RUBCN: variants seen among roughly 807,000 people sequenced by gnomAD.
RUBCN encodes rubicon autophagy regulator, also known as run domain Beclin-1-interacting and cysteine-rich domain-containing protein.
In RUBCN, 74 loss-of-function variants were observed where a neutral mutation model predicts 113.2. That is an observed-to-expected ratio of 0.65 (90% CI 0.54 to 0.79). The LOEUF is 0.79. Ranked by LOEUF, RUBCN falls within the 30% of genes least tolerant of loss-of-function variation. RUBCN has a pLI of 0.00. For synonymous variants in RUBCN, 480 were observed against 490.0 expected, an observed-to-expected ratio of 0.98 and a Z score of 0.27; for missense variants, 1,109 against 1,251.7, an observed-to-expected ratio of 0.89 and a Z score of 1.72.
chr3:197,735,128 C>T (rs1395101823), intron 1 of RUBCN, among the ~76,000 whole-genome samples: 2 of 149,496 alleles, frequency 1.3e-5, no homozygotes, highest in African/African-American at 5.0e-5. Context: ...TGGTGGCTCA[C>T]ACCTGTTAAT....
At chr3:197,703,126 C>A (rs764546270) in intron 5 of RUBCN, among the ~76,000 whole-genome samples, 5 of 151,964 alleles carry the variant, frequency 3.3e-5, no homozygotes, top group African/African-American at 1.2e-4. Context: ...TGGCCGGGCG[C>A]GGTGGCTCAG....
At chr3:197,696,519 A>G (rs1005594848) in intron 8 of RUBCN, among the ~76,000 whole-genome samples, 1 of 152,204 alleles carries the variant, frequency 6.6e-6, no homozygotes, top group Non-Finnish European at 1.5e-5. Context: ...CTCGTACCAT[A>G]CAGTAAAGAA....
Position 197,671,183 on chromosome 3 carries a change from T to G in RUBCN, c.*3835A>C, listed in dbSNP as rs1219519569. Among the ~76,000 whole-genome samples the G allele has an allele frequency of 6.6e-6, 1 of 152,064 alleles. No homozygotes were observed. The highest frequency in any genetic ancestry group is 1.5e-5 in the Non-Finnish European group (1 of 68,014). On this transcript the variant is annotated 3_prime_UTR_variant, in exon 20 of 20. Transcript: ENST00000296343. ...GCACATGCCACCATGCCTGGCTAAT[T>G]TTTATATTTTTGTAGAGATGAGGTT...
At chr3:197,719,878 A>C (rs1725956006) in intron 1 of RUBCN, among the ~76,000 whole-genome samples, 1 of 152,242 alleles carries the variant, frequency 6.6e-6, no homozygotes, top group African/African-American at 2.4e-5. Flanking sequence ...ATTGATCGCA[A>C]CAAAGTAATT....
At position 197,669,706 on chromosome 3, in the gene RUBCN, G is replaced by A. The variant is rs1021069487; in HGVS notation, c.*5312C>T. Among the ~76,000 whole-genome samples the A allele has an allele frequency of 1.3e-5, 2 of 152,136 alleles. No homozygotes were observed. The highest frequency in any genetic ancestry group is 2.9e-5 in the Non-Finnish European group (2 of 68,036). ...TCCAGTCCACCCTCAATGGGAGAAG[G>A]AATTAAACTCCACCTCCTGGGAGAA... On this transcript the variant is annotated 3_prime_UTR_variant, in exon 20 of 20. Transcript: ENST00000296343.
intron 2 of RUBCN, among the ~76,000 whole-genome samples, chr3:197,711,607 G>C (rs1332768730): frequency 7.2e-5 from 11 of 152,206 alleles, no homozygotes; most frequent in African/African-American, 2.4e-4. Flanking sequence ...GCCAAGCTGG[G>C]AGGCTGCCTG....
chr3:197,681,073 G>T lies in RUBCN; in HGVS notation c.2430+56C>A. 9.4e-7 allele frequency: 1 copy of T among 1,066,760 alleles called. No homozygotes were observed. The highest frequency in any genetic ancestry group is 1.7e-5 in the Admixed American group (1 of 57,802). 66.1% of individuals were successfully genotyped at this position (1,066,760 alleles called of 1,614,324 possible). On this transcript the variant is annotated intron_variant, in intron 16 of 19. Coordinates refer to ENST00000296343, the MANE Select transcript of RUBCN (RefSeq NM_014687.4). This position sits in a 1 kb window ranked among gnomAD's most constrained non-coding sequence, Gnocchi z 5.5. ...AGGGGACGGGGGAGGGACGAGGGGAGGGGATGAGGGGAGGAGAAGGGCAAG... is the reference window on the plus strand; with the variant it reads ...AGGGGACGGGGGAGGGACGAGGGGATGGGATGAGGGGAGGAGAAGGGCAAG...
Position 197,695,834 on chromosome 3 carries a change from A to G in RUBCN, c.1473+32T>C, listed in dbSNP as rs375667026. 13 of 1,594,886 alleles carry G rather than the reference A, an allele frequency of 8.2e-6. No individual in the cohort carries two copies. The African/African-American group carries it at 1.7e-4, about 21-fold the overall frequency. Reference sequence around the variant, plus strand: ...ACCTTCAGACCCAATCTCCCAACTCATGAGCTCTTCATGAGGCCCTCGATT... The same window carrying G: ...ACCTTCAGACCCAATCTCCCAACTCGTGAGCTCTTCATGAGGCCCTCGATT... On this transcript the variant is annotated intron_variant, in intron 9 of 19. Coordinates refer to ENST00000296343, the MANE Select transcript of RUBCN (RefSeq NM_014687.4).
chr3:197,702,535 C>T (rs534664627), intron 5 of RUBCN, among the ~76,000 whole-genome samples: 2 of 152,158 alleles, frequency 1.3e-5, no homozygotes, highest in South Asian at 2.1e-4. Flanking sequence ...TGGTGGCGTG[C>T]ACCTGTAATC....
At chr3:197,684,283 A>G (rs1439170855) in intron 11 of RUBCN, 66 bp from the exon 12 acceptor site, 3 of 1,213,496 alleles carry the variant, frequency 2.5e-6, no homozygotes, top group South Asian at 2.4e-5. Flanking sequence ...CCTGGAATCT[A>G]TTACAAGGTG....
chr3:197,749,670 C>T (rs901042475), exon 1 of RUBCN: 2 of 741,782 alleles, frequency 2.7e-6, no homozygotes, highest in Non-Finnish European at 4.3e-6. Context: ...GTCTAGCATC[C>T]CCCAGTTTGG....
chr3:197,732,405 C>T lies in RUBCN; in HGVS notation c.65+4250G>A, dbSNP rs528457983. Among the ~76,000 whole-genome samples, 243 of 152,294 alleles carry T rather than the reference C, an allele frequency of 1.6e-3. No homozygotes were observed. The Middle Eastern group carries it at 0.027, about 17-fold the overall frequency. On this transcript the variant is annotated intron_variant, in intron 1 of 19. Transcript: ENST00000296343. ...CTCGGCTCACTGCAAGCTCCGCCTC[C>T]CGGGTTCACGCCATTCTCCTGCCTC...
intron 2 of RUBCN, among the ~76,000 whole-genome samples, chr3:197,714,615 C>A (rs1285214442): frequency 6.6e-6 from 1 of 152,220 alleles, no homozygotes; most frequent in Non-Finnish European, 1.5e-5. Flanking sequence ...TAGGCATGAA[C>A]CACCACGCGC....
chr3:197,740,870 C>T (rs1365084341), upstream of RUBCN, among the ~76,000 whole-genome samples: 4 of 152,170 alleles, frequency 2.6e-5, no homozygotes, highest in African/African-American at 7.2e-5. Context: ...ACCTGCCCAC[C>T]TCAGCCTCCC....
At position 197,674,861 on chromosome 3, in the gene RUBCN, C is replaced by CTGTGT; in HGVS notation, c.*156_*157insACACA. On this transcript the variant is annotated 3_prime_UTR_variant, in exon 20 of 20. Coordinates refer to ENST00000296343, the MANE Select transcript of RUBCN (RefSeq NM_014687.4). Reference sequence around the variant, plus strand: ...CAACCTGCCGACGGCTGACTGCACACAGACGTCAGACAAGTCAGTAAAAAA... The same window carrying CTGTGT: ...CAACCTGCCGACGGCTGACTGCACACTGTGTAGACGTCAGACAAGTCAGTAAAAAA... The CTGTGT allele has an allele frequency of 3.3e-6, 2 of 603,774 alleles. No homozygotes were observed. The highest frequency in any genetic ancestry group is 2.6e-5 in the South Asian group (1 of 38,648). 37.4% of individuals were successfully genotyped at this position (603,774 alleles called of 1,614,324 possible). A position where few individuals can be genotyped will look rare whatever the true frequency, so the allele number is the denominator to read the frequency against.
chr3:197,747,539 A>G (rs1728800879), intron 1 of RUBCN, among the ~76,000 whole-genome samples: 1 of 151,970 alleles, frequency 6.6e-6, no homozygotes, highest in Non-Finnish European at 1.5e-5. Context: ...TTATTATATT[A>G]GTGGTAGGGA....
intron 1 of RUBCN, among the ~76,000 whole-genome samples, chr3:197,735,161 G>C (rs1338584043): frequency 6.6e-6 from 1 of 152,196 alleles, no homozygotes; most frequent in Non-Finnish European, 1.5e-5. Flanking sequence ...GGAGGCCGAC[G>C]TGGCGGGGGA....
intron 1 of RUBCN, among the ~76,000 whole-genome samples, chr3:197,748,800 A>G (rs1407725717): frequency 1.3e-5 from 2 of 152,258 alleles, no homozygotes; most frequent in East Asian, 3.8e-4. Flanking sequence ...GGGATCCCCA[A>G]GCAAAAAATA....
intron 9 of RUBCN, among the ~76,000 whole-genome samples, chr3:197,694,886 A>G (rs541029816): frequency 6.6e-6 from 1 of 152,328 alleles, no homozygotes; most frequent in African/African-American, 2.4e-5. Context: ...TACACAAAAT[A>G]TTAAGATAAA....
Sources: gnomAD v4.1 joint callset for allele counts (sites outside exome capture counted in the v4.1 genomes callset) on GRCh38, gnomAD v4.1.1 for gene constraint, Gnocchi (gnomAD v3.1) non-coding constraint, MANE v1.5 for transcripts, NCBI Gene and HGNC (gene_info 2026-07-23, HGNC 2026-07-21) for gene names.